CELF4: variants seen among roughly 807,000 people sequenced by gnomAD.
CELF4 encodes CUGBP Elav-like family member 4.
Under a neutral mutation model 59.9 loss-of-function variants are expected in CELF4, and 18 were observed. The observed-to-expected ratio is 0.30, with a 90% CI of 0.21 to 0.45. The LOEUF is 0.45. Among genes scored for constraint, CELF4 ranks in the 20% least tolerant of loss-of-function variants. The probability of loss-of-function intolerance (pLI) is 1.00; values close to 1 mark genes in which losing one functional copy is unlikely to be tolerated. For synonymous variants in CELF4, 261 were observed against 267.1 expected (o/e 0.98, Z 0.22); for missense variants, 456 against 689.0 (o/e 0.66, Z 3.79).
intron 1 of CELF4, among the ~76,000 whole-genome samples, chr18:37,530,917 ACTGATAAGAATCTGGTCCAGGT>A (rs1771622765): frequency 6.7e-6 from 1 of 148,980 alleles, no homozygotes; most frequent in African/African-American, 2.5e-5. Flanking sequence ...AAAAAAAAGG[ACTGATAAGAATCTGGTCCAGGT>A]CGTGGAACCC....
intron 2 of CELF4, among the ~76,000 whole-genome samples, chr18:37,383,940 C>T (rs898881954): frequency 4.0e-5 from 6 of 151,874 alleles, no homozygotes; most frequent in Admixed American, 6.6e-5. Flanking sequence ...TGGGTTGTGG[C>T]GGTGAGGGGG....
At chr18:37,383,038 GTA>G (rs529038217) in intron 2 of CELF4, among the ~76,000 whole-genome samples, 49 of 151,868 alleles carry the variant, frequency 3.2e-4, no homozygotes, top group African/African-American at 1.1e-3. Context: ...ATGTATGTAT[GTA>G]TGTATGTATG....
At chr18:37,532,715 C>CTATT (rs2099970540) in intron 1 of CELF4, among the ~76,000 whole-genome samples, 1 of 152,050 alleles carries the variant, frequency 6.6e-6, no homozygotes. Flanking sequence ...AAGTAACAGC[C>CTATT]CCGTATTCAA....
At chr18:37,271,504 C>T (rs528156564) in intron 7 of CELF4, among the ~76,000 whole-genome samples, 1 of 152,298 alleles carries the variant, frequency 6.6e-6, no homozygotes, top group Non-Finnish European at 1.5e-5. Flanking sequence ...GATCCACCCG[C>T]CTCGGCCTCC....
chr18:37,404,547 G>A (rs2099361958), intron 2 of CELF4, among the ~76,000 whole-genome samples: 1 of 152,200 alleles, frequency 6.6e-6, no homozygotes, highest in Admixed American at 6.5e-5. Flanking sequence ...CCCTCCCGAA[G>A]CCATGGGAAT....
intron 2 of CELF4, among the ~76,000 whole-genome samples, chr18:37,355,614 A>G (rs9946456): frequency 0.58 from 87,440 of 151,722 alleles, 25,372 homozygotes; most frequent in South Asian, 0.7. Context: ...CAGAGGTTGC[A>G]GTGAGCCGAG....
At chr18:37,427,042 G>GC (rs1439897884) in intron 2 of CELF4, among the ~76,000 whole-genome samples, 4 of 151,364 alleles carry the variant, frequency 2.6e-5, no homozygotes, top group South Asian at 2.1e-4. Flanking sequence ...GGACACGGGG[G>GC]GGGGGGAAGC....
At chr18:37,318,274 G>A (rs1402806455) in intron 3 of CELF4, among the ~76,000 whole-genome samples, 1 of 150,568 alleles carries the variant, frequency 6.6e-6, no homozygotes, top group Non-Finnish European at 1.5e-5. Flanking sequence ...TCAAGGCCTC[G>A]CTCCCCCTCC....
At chr18:37,444,479 T>C (rs1192831271) in intron 2 of CELF4, among the ~76,000 whole-genome samples, 5 of 152,138 alleles carry the variant, frequency 3.3e-5, no homozygotes, top group Admixed American at 6.5e-5. Context: ...AGGTCACTTA[T>C]GAATATTAAA....
intron 2 of CELF4, among the ~76,000 whole-genome samples, chr18:37,429,505 A>G (rs531869861): frequency 1.3e-5 from 2 of 152,264 alleles, no homozygotes; most frequent in African/African-American, 4.8e-5. Flanking sequence ...GTGTGTTTGC[A>G]TACATTCTGT....
At chr18:37,264,797 C>T in intron 9 of CELF4, 40 bp from the exon 10 acceptor site, 1 of 1,489,710 alleles carries the variant, frequency 6.7e-7, no homozygotes, top group Non-Finnish European at 9.2e-7. Flanking sequence ...GGCGACAAGG[C>T]AGAGAGTGGA....
At chr18:37,508,159 T>C (rs1165738888) in intron 1 of CELF4, among the ~76,000 whole-genome samples, 1 of 152,190 alleles carries the variant, frequency 6.6e-6, no homozygotes, top group Admixed American at 6.5e-5. Context: ...AGTCTGATAC[T>C]GAGTTGCTAT....
At chr18:37,373,957 A>G (rs528528376) in intron 2 of CELF4, among the ~76,000 whole-genome samples, 1 of 152,320 alleles carries the variant, frequency 6.6e-6, no homozygotes, top group East Asian at 1.9e-4. Context: ...TCGAATAATG[A>G]TATTGGGGAG....
intron 3 of CELF4, among the ~76,000 whole-genome samples, chr18:37,314,432 G>A (rs608370): frequency 6.6e-6 from 1 of 152,124 alleles, no homozygotes; most frequent in African/African-American, 2.4e-5. Context: ...TCCAGCCTGG[G>A]TGACAGAGTG....
intron 2 of CELF4, among the ~76,000 whole-genome samples, chr18:37,475,515 C>T (rs1368540258): frequency 2.0e-5 from 3 of 152,196 alleles, no homozygotes; most frequent in Admixed American, 6.5e-5. Context: ...TTAGAGCAAC[C>T]TAGAGGAGCA....
At position 37,434,498 on chromosome 18, in the gene CELF4, C is replaced by A. The variant is rs187731277; in HGVS notation, c.369+51027G>T. ...CCCTGTCTAAAACAGGGGGCTGTGC[C>A]ATCATTTCCCCTGCCCAACCTCCTC... On this transcript the variant is annotated intron_variant, in intron 2 of 12. Transcript: ENST00000420428. Among the ~76,000 whole-genome samples the A allele has an allele frequency of 2.0e-5, 3 of 152,290 alleles. No homozygotes were observed. The East Asian group carries it at 5.8e-4, about 29-fold the overall frequency.
rs2099229041 is a variant in CELF4 at position 37,395,263 on chromosome 18, C to CT, written c.370-73383dup. Among the ~76,000 whole-genome samples, 3 of 151,962 alleles carry CT rather than the reference C, an allele frequency of 2.0e-5. No homozygotes were observed. In the South Asian group the frequency reaches 6.2e-4, roughly 32 times the overall value. On this transcript the variant is annotated intron_variant, in intron 2 of 12. Coordinates refer to ENST00000420428, the MANE Select transcript of CELF4 (RefSeq NM_020180.4). ...ACAACCCACGGTCCTGGTGAGAATG[C>CT]TTTTTTTGTGTGCTTCCCCCACCAT...
chr18:37,400,314 G>C (rs78100799), intron 2 of CELF4, among the ~76,000 whole-genome samples: 1 of 113,280 alleles, frequency 8.8e-6, no homozygotes, highest in Non-Finnish European at 1.9e-5. Context: ...TTATATATGT[G>C]TGTATATATG....
Position 37,275,361 on chromosome 18 carries a change from C to T in CELF4, c.449-118G>A, listed in dbSNP as rs1418123184. On this transcript the variant is annotated intron_variant, in intron 3 of 12. Coordinates refer to ENST00000420428, the MANE Select transcript of CELF4 (RefSeq NM_020180.4). ...AGGAGCCGGGGAGGCGGGGCGGGGGCTCGGAGCCGGCGGGGGAGAGGTGCG... is the reference window on the plus strand; with the variant it reads ...AGGAGCCGGGGAGGCGGGGCGGGGGTTCGGAGCCGGCGGGGGAGAGGTGCG... 89 of 636,786 alleles carry T rather than the reference C, an allele frequency of 1.4e-4. No homozygotes were observed. The African/African-American group carries it at 1.9e-3, about 14-fold the overall frequency. 39.4% of individuals were successfully genotyped at this position (636,786 alleles called of 1,614,324 possible).
Sources: allele counts gnomAD v4.1 joint callset (sites outside exome capture counted in the v4.1 genomes callset), GRCh38; gene constraint gnomAD v4.1.1; transcripts MANE v1.5; gene names NCBI Gene and HGNC (gene_info 2026-07-23, HGNC 2026-07-21).